Variants in LRRC7 observed in about 807,000 individuals in gnomAD.
LRRC7 encodes the protein leucine-rich repeat-containing protein 7.
LRRC7 carries 23 observed loss-of-function variants against 175.7 expected under a neutral mutation model. That is an observed-to-expected ratio of 0.13 (90% CI 0.09 to 0.19). The LOEUF is 0.19. Ranked by LOEUF, LRRC7 falls within the 10% of genes least tolerant of loss-of-function variation. The probability of loss-of-function intolerance (pLI) is 1.00; values close to 1 mark genes in which losing one functional copy is unlikely to be tolerated. For missense variants in LRRC7, 1,354 were observed against 1,904.7 expected, an observed-to-expected ratio of 0.71 and a Z score of 5.38; for synonymous variants, 685 against 680.9, an observed-to-expected ratio of 1.01 and a Z score of -0.09.
At chr1:69,609,096 C>T (rs1648277939) in intron 1 of LRRC7, among the ~76,000 whole-genome samples, 1 of 151,470 alleles carries the variant, frequency 6.6e-6, no homozygotes, top group Non-Finnish European at 1.5e-5. Context: ...CCCAGCTTTG[C>T]AGTTTGGATG....
intron 1 of LRRC7, among the ~76,000 whole-genome samples, chr1:69,598,469 G>A (rs1386567336): frequency 5.9e-5 from 9 of 152,110 alleles, no homozygotes; most frequent in Non-Finnish European, 1.5e-5. Context: ...GGTAGGTTGT[G>A]GAGACTCAGG....
At chr1:69,771,015 G>A (rs190391717) in intron 3 of LRRC7, among the ~76,000 whole-genome samples, 84 of 152,136 alleles carry the variant, frequency 5.5e-4, no homozygotes, top group African/African-American at 1.7e-3. Context: ...GTCCCCCAGC[G>A]CCAAATGTAT....
At chr1:69,939,330 G>C (rs1222178656) in intron 8 of LRRC7, among the ~76,000 whole-genome samples, 1 of 151,934 alleles carries the variant, frequency 6.6e-6, no homozygotes, top group Non-Finnish European at 1.5e-5. Flanking sequence ...GCTAGTGCTG[G>C]TGTCTCTGAC....
At chr1:69,946,424 G>T (rs372349088) in intron 8 of LRRC7, among the ~76,000 whole-genome samples, 7 of 152,060 alleles carry the variant, frequency 4.6e-5, no homozygotes, top group East Asian at 3.9e-4. Flanking sequence ...GGTATACAGG[G>T]TTTATCAAGT....
chr1:69,887,207 G>A (rs1464726953), intron 7 of LRRC7, among the ~76,000 whole-genome samples: 2 of 124,092 alleles, frequency 1.6e-5, no homozygotes, highest in Non-Finnish European at 3.3e-5. Flanking sequence ...ATATCCTGCA[G>A]AGTGTTTTCC....
In LRRC7 at chr1:69,796,589, AG is replaced by A. The variant is rs538788826; in HGVS notation, c.421+4430del. 4.0e-4 allele frequency among the ~76,000 whole-genome samples: 61 copies of A among 152,250 alleles called. No individual in the cohort carries two copies. The South Asian group carries it at 0.012, about 31-fold the overall frequency. On this transcript the variant is annotated intron_variant, in intron 4 of 26. Coordinates refer to ENST00000651989, the MANE Select transcript of LRRC7 (RefSeq NM_001370785.2). The stretch of plus-strand genomic sequence containing the variant: ...CACCTGAGGTCGGGAGTTCGAGACC[AG>A]CCTAGCCAACATGGAGAAGCCCTGC...
intron 7 of LRRC7, among the ~76,000 whole-genome samples, chr1:69,857,862 A>G (rs1340441517): frequency 2.0e-5 from 3 of 152,174 alleles, no homozygotes; most frequent in African/African-American, 4.8e-5. Flanking sequence ...TTCAAACTCT[A>G]CTACAAGGCT....
chr1:70,001,478 A>C (rs1655514666), intron 11 of LRRC7, among the ~76,000 whole-genome samples: 1 of 152,218 alleles, frequency 6.6e-6, no homozygotes, highest in African/African-American at 2.4e-5. Context: ...AAAAGTATTA[A>C]AAAGTTTTAT....
intron 4 of LRRC7, among the ~76,000 whole-genome samples, chr1:69,794,888 C>T (rs985776052): frequency 7.2e-5 from 11 of 152,266 alleles, no homozygotes; most frequent in African/African-American, 2.4e-4. Context: ...GCAACTATTA[C>T]CTCGGGGCTT....
intron 1 of LRRC7, among the ~76,000 whole-genome samples, chr1:69,670,284 A>G (rs1658888384): frequency 6.6e-6 from 1 of 152,240 alleles, no homozygotes; most frequent in Non-Finnish European, 1.5e-5. Flanking sequence ...TATCTGCATT[A>G]GGGAGAACCC....
chr1:69,919,467 C>T, intron 7 of LRRC7: 1 of 990,732 alleles, frequency 1.0e-6, no homozygotes, highest in Non-Finnish European at 1.6e-6. Context: ...GGGAGCGGCC[C>T]AGCGGGAACA....
chr1:69,858,611 A>C (rs181554617), intron 7 of LRRC7, among the ~76,000 whole-genome samples: 62 of 152,204 alleles, frequency 4.1e-4, no homozygotes, highest in Non-Finnish European at 7.2e-4. Context: ...AAGGTTTACC[A>C]TTTCTGACCT....
chr1:69,928,529 G>C (rs999338373), intron 7 of LRRC7, among the ~76,000 whole-genome samples: 2 of 152,208 alleles, frequency 1.3e-5, no homozygotes, highest in Non-Finnish European at 2.9e-5. Context: ...CCCTCCCCCA[G>C]CGTTGCTGCC....
chr1:69,625,294 T>A (rs1453552439), intron 1 of LRRC7, among the ~76,000 whole-genome samples: 2 of 150,918 alleles, frequency 1.3e-5, no homozygotes, highest in Admixed American at 1.3e-4. Context: ...TCTTTAACAA[T>A]TTTTTATATT....
intron 23 of LRRC7, among the ~76,000 whole-genome samples, chr1:70,071,425 C>T (rs1662378545): frequency 6.6e-6 from 1 of 151,966 alleles, no homozygotes; most frequent in Admixed American, 6.6e-5. Context: ...AATACATCTA[C>T]CCCATCTACC....
In LRRC7 at chr1:70,006,250, G is replaced by A. The variant is rs77107288; in HGVS notation, c.1005-5547G>A. 4.2e-3 allele frequency among the ~76,000 whole-genome samples: 636 copies of A among 152,026 alleles called. 3 individuals carry two copies. The highest frequency in any genetic ancestry group is 0.014 in the African/African-American group (588 of 41,476). Reference sequence around the variant, plus strand: ...GGCTCTAAATTATTAATTCCTTATTGCCCATGGTGCAGTCAAAATGTTTTT... The same window carrying A: ...GGCTCTAAATTATTAATTCCTTATTACCCATGGTGCAGTCAAAATGTTTTT... On this transcript the variant is annotated intron_variant, in intron 11 of 26. Transcript: ENST00000651989.
At chr1:70,009,540 T>C (rs1488437529) in intron 11 of LRRC7, among the ~76,000 whole-genome samples, 1 of 152,028 alleles carries the variant, frequency 6.6e-6, no homozygotes, top group East Asian at 1.9e-4. Context: ...GGTTTACTGA[T>C]AATAAGAGGA....
chr1:69,623,794 C>A (rs944643241), intron 1 of LRRC7, among the ~76,000 whole-genome samples: 1 of 152,168 alleles, frequency 6.6e-6, no homozygotes, highest in African/African-American at 2.4e-5. Context: ...AGGTGATCCA[C>A]CCACCTCGGC....
rs1667092612 is a variant in LRRC7, at chr1:70,142,278, G to GTTT, written c.*20393_*20395dup. 6.6e-6 allele frequency: 1 copy of GTTT among 152,088 alleles called. No individual in the cohort carries two copies. The highest frequency in any genetic ancestry group is 2.4e-5 in the African/African-American group (1 of 41,430). 9.4% of individuals were successfully genotyped at this position (152,088 alleles called of 1,614,324 possible). ...GGTCAGTAAGGACTGTTGTATGTAA[G>GTTT]TTTTACTCTAGAAAATTTGGTTTTA... On this transcript the variant is annotated 3_prime_UTR_variant, in exon 27 of 27. Coordinates refer to ENST00000651989, the MANE Select transcript of LRRC7 (RefSeq NM_001370785.2).
Sources: gnomAD v4.1 joint callset for allele counts (sites outside exome capture counted in the v4.1 genomes callset) on GRCh38, gnomAD v4.1.1 for gene constraint, MANE v1.5 for transcripts, NCBI Gene and HGNC (gene_info 2026-07-23, HGNC 2026-07-21) for gene names.